The following NOTCH2 variants were observed in gnomAD, a reference collection of about 807,000 sequenced individuals.
NOTCH2 encodes neurogenic locus notch homolog protein 2.
A neutral mutation model predicts 235.8 loss-of-function variants in NOTCH2; 29 were observed. That is an observed-to-expected ratio of 0.12 (90% CI 0.09 to 0.17). The LOEUF (loss-of-function observed/expected upper bound fraction) is 0.17, where lower values mean the gene tolerates loss of function less well. Ranked by LOEUF, NOTCH2 falls within the 10% of genes least tolerant of loss-of-function variation. The pLI is 1.00. For missense variants in NOTCH2, 2,285 were observed against 3,150.2 expected (o/e 0.73, Z 6.57); for synonymous variants, 1,086 against 1,141.5 (o/e 0.95, Z 0.98).
intron 11 of NOTCH2, among the ~76,000 whole-genome samples, chr1:119,962,716 T>C (rs1553199164): frequency 6.6e-6 from 1 of 152,208 alleles, no homozygotes; most frequent in Non-Finnish European, 1.5e-5. Context: ...CTCCTTTATA[T>C]TGGCAGGTTT....
At chr1:119,968,795 T>C (rs1651249442) in intron 6 of NOTCH2, among the ~76,000 whole-genome samples, 1 of 152,176 alleles carries the variant, frequency 6.6e-6, no homozygotes, top group Non-Finnish European at 1.5e-5. Context: ...CTTCCTGTTT[T>C]ATATAGTTCA....
intron 12 of NOTCH2, among the ~76,000 whole-genome samples, chr1:119,958,377 G>A (rs1650792295): frequency 6.6e-6 from 1 of 152,210 alleles, no homozygotes; most frequent in Admixed American, 6.5e-5. Flanking sequence ...TTGTGAAATA[G>A]AGAACAAAGT....
chr1:119,923,525 A>C (rs1016641771), intron 26 of NOTCH2, 112 bp downstream of exon 26: 2 of 943,350 alleles, frequency 2.1e-6, no homozygotes, highest in Non-Finnish European at 3.4e-6. Context: ...GTGGTGGGCC[A>C]TTCTATTTTT....
In NOTCH2 at chr1:119,916,565, G is replaced by C. The variant is rs772005110; in HGVS notation, c.6157C>G (p.Arg2053Gly). 12 of 1,614,066 alleles carry C rather than the reference G, an allele frequency of 7.4e-6. No individual in the cohort carries two copies. The highest frequency in any genetic ancestry group is 9.3e-6 in the Non-Finnish European group (11 of 1,180,010). ...AGGCGCACAATGTCATGGTGCATGC[G>C]ATCCCGAGCCACATCCCGGGGAAGA... Reference protein sequence around the residue: ...DRLPRDVARDRMHHDIVRLLD... With the variant: ...DRLPRDVARDGMHHDIVRLLD... The change falls in exon 34 of 34, where the codon CGC becomes GGC. Residue 2053 changes from arginine to glycine, a missense_variant. Physicochemically the swap from Arg to Gly is moderately radical, Grantham distance 125. This residue lies in a region of NOTCH2 where 504 missense variants were observed against 538.0 expected (regional missense o/e 0.94). Transcript: ENST00000256646.
chr1:119,996,762 T>G (rs1553204214), intron 4 of NOTCH2: 1 of 958,284 alleles, frequency 1.0e-6, no homozygotes, highest in South Asian at 1.3e-5. Context: ...AAAGGGACAA[T>G]AAACAATTTT....
intron 3 of NOTCH2, among the ~76,000 whole-genome samples, chr1:119,999,634 C>A (rs1553204907): frequency 6.6e-6 from 1 of 151,896 alleles, no homozygotes; most frequent in South Asian, 2.1e-4. Context: ...GTAATCCCAG[C>A]ACTTTGGGAG....
intron 5 of NOTCH2, among the ~76,000 whole-genome samples, chr1:119,983,207 T>C (rs1249389034): frequency 6.6e-6 from 1 of 152,134 alleles, no homozygotes; most frequent in Non-Finnish European, 1.5e-5. Flanking sequence ...GTTCTTTTTT[T>C]TTTTTTGAGA....
rs1553199687 is a variant in NOTCH2, at chr1:119,966,465, A to G, written c.1478T>C (p.Leu493Ser). Residue 493 changes from leucine to serine, a missense_variant, in exon 9 of 34, where the codon TTA (leucine) becomes TCA (serine). Coordinates refer to ENST00000256646, the MANE Select transcript of NOTCH2 (RefSeq NM_024408.4). ...MPGFKGVHCELEINECQSNPC... is the reference protein window; with the variant it reads ...MPGFKGVHCESEINECQSNPC... ...GTTGCTCTGACATTCATTTATTTCT[A>G]ATTCACAATGCACACCTTTGAAACC... The G allele has an allele frequency of 6.2e-7, 1 of 1,613,582 alleles. No individual in the cohort carries two copies. The highest frequency in any genetic ancestry group is 1.1e-5 in the South Asian group (1 of 91,080).
Position 119,969,813 on chromosome 1 carries a change from C to A in NOTCH2, c.875-69G>T, listed in dbSNP as rs181070107. 49 of 1,312,318 alleles carry A rather than the reference C, an allele frequency of 3.7e-5. No individual in the cohort carries two copies. The East Asian group carries it at 8.6e-4, about 23-fold the overall frequency. 81.3% of individuals were successfully genotyped at this position (1,312,318 alleles called of 1,614,324 possible). On this transcript the variant is annotated intron_variant, in intron 5 of 33. Coordinates refer to ENST00000256646, the MANE Select transcript of NOTCH2 (RefSeq NM_024408.4). ...AAGGACTAGTACCATACCAGCCCCCCACACTCTTCATCTTCATGTGACCTG... is the reference window on the plus strand; with the variant it reads ...AAGGACTAGTACCATACCAGCCCCCAACACTCTTCATCTTCATGTGACCTG...
chr1:119,986,702 ATC>A (rs1469095663), intron 5 of NOTCH2, among the ~76,000 whole-genome samples: 1 of 152,108 alleles, frequency 6.6e-6, no homozygotes, highest in Admixed American at 6.6e-5. Flanking sequence ...CTTCTCTCAT[ATC>A]TGCCACAGCA....
chr1:119,919,279 TA>T, intron 31 of NOTCH2, 32 bp downstream of exon 31: 1 of 1,577,692 alleles, frequency 6.3e-7, no homozygotes, highest in Admixed American at 1.7e-5. Context: ...CCATAGGAAT[TA>T]TTATTCAAGT....
intron 2 of NOTCH2, among the ~76,000 whole-genome samples, chr1:120,006,320 ATATC>A (rs1350071221): frequency 2.0e-5 from 3 of 152,204 alleles, no homozygotes; most frequent in Admixed American, 1.3e-4. Flanking sequence ...ATAACATAAA[ATATC>A]TAAGATACCA....
chr1:119,951,401 CT>C (rs782388650), intron 14 of NOTCH2, among the ~76,000 whole-genome samples: 11 of 152,194 alleles, frequency 7.2e-5, no homozygotes, highest in Non-Finnish European at 1.2e-4. Flanking sequence ...ATCCTCCCAC[CT>C]TACCCTCCCA....
At chr1:120,063,473 A>C (rs2799232) in intron 1 of NOTCH2, among the ~76,000 whole-genome samples, 5,636 of 151,010 alleles carry the variant, frequency 0.037, no homozygotes, top group East Asian at 0.12. Context: ...TAATGGAGGA[A>C]TAAGGAGGCT....
At chr1:120,033,769 A>G (rs587636964) in intron 1 of NOTCH2, among the ~76,000 whole-genome samples, 48 of 152,204 alleles carry the variant, frequency 3.2e-4, no homozygotes, top group African/African-American at 1.1e-3. Flanking sequence ...TGTACATTTC[A>G]AAATTGCTAA....
rs1311544447 is a variant in NOTCH2 at position 119,915,361 on chromosome 1, C to T, written c.7361G>A (p.Gly2454Glu). 1.2e-6 allele frequency: 2 copies of T among 1,614,150 alleles called. No homozygotes were observed. The highest frequency in any genetic ancestry group is 1.7e-6 in the Non-Finnish European group (2 of 1,180,042). The change falls in exon 34 of 34, where the codon GGA (glycine) becomes GAA (glutamate). Residue 2454 changes from glycine (G) to glutamate (E), a missense_variant. Gly to Glu is a moderately conservative substitution (Grantham distance 98). This residue lies in a region of NOTCH2 where 504 missense variants were observed against 538.0 expected (regional missense o/e 0.94). Transcript: ENST00000256646. ...TPGGAGGGQR[G>E]PGTHMSEPPH... The stretch of plus-strand genomic sequence containing the variant: ...TGGCTCAGACATGTGTGTCCCAGGT[C>T]CCCGCTGACCTCCTCCAGCACCCCC...
At chr1:120,000,991 G>A (rs1319016165) in intron 3 of NOTCH2, among the ~76,000 whole-genome samples, 1 of 151,852 alleles carries the variant, frequency 6.6e-6, no homozygotes, top group Non-Finnish European at 1.5e-5. Flanking sequence ...TATCATGGGG[G>A]CCAGTCTTTC....
chr1:120,004,751 A>G (rs1652894517), intron 3 of NOTCH2, among the ~76,000 whole-genome samples: 1 of 152,144 alleles, frequency 6.6e-6, no homozygotes, highest in South Asian at 2.1e-4. Flanking sequence ...TTAGTGAAGT[A>G]AACTCTGATT....
Position 119,925,519 on chromosome 1 carries a change from T to C in NOTCH2, c.4297A>G (p.Lys1433Glu). The change falls in exon 25 of 34, where the codon AAA (lysine) becomes GAA (glutamate). Residue 1433 changes from lysine to glutamate, a missense_variant. Lys to Glu is a moderately conservative substitution (Grantham distance 56, BLOSUM62 1). Around this residue, in one of 6 missense-constraint regions of NOTCH2, gnomAD observed 1,173 missense variants for 1,515.3 expected, o/e 0.77. Coordinates refer to ENST00000256646, the MANE Select transcript of NOTCH2 (RefSeq NM_024408.4). Reference sequence around the variant, plus strand: ...TCATCACAGACGCCATCCCGAGCTTTGTCGGCACAATACTGGCTCAGACAG... The same window carrying C: ...TCATCACAGACGCCATCCCGAGCTTCGTCGGCACAATACTGGCTCAGACAG... ...ATCLSQYCAD[K>E]ARDGVCDEAC... 2 of 1,614,152 alleles carry C rather than the reference T, an allele frequency of 1.2e-6. No individual in the cohort carries two copies. The highest frequency in any genetic ancestry group is 1.7e-6 in the Non-Finnish European group (2 of 1,180,044).
Sources: gnomAD v4.1 joint callset for allele counts (sites outside exome capture counted in the v4.1 genomes callset) on GRCh38, gnomAD v4.1.1 for gene constraint, gnomAD v4.1.1 regional missense constraint, MANE v1.5 for transcripts, NCBI Gene and HGNC (gene_info 2026-07-23, HGNC 2026-07-21) for gene names.